Variants in KLHL1 observed in about 807,000 individuals in gnomAD.
The protein encoded by KLHL1 is kelch like family member 1, also known as kelch-like protein 1.
Under a neutral mutation model 77.7 loss-of-function variants are expected in KLHL1, and 47 were observed. The observed-to-expected ratio is 0.60, with a 90% CI of 0.48 to 0.77. The LOEUF is 0.77. Ranked by LOEUF, KLHL1 falls within the 30% of genes least tolerant of loss-of-function variation. The probability of loss-of-function intolerance (pLI) is 0.00; values close to 1 mark genes in which losing one functional copy is unlikely to be tolerated. For missense variants in KLHL1, 925 were observed against 910.8 expected (o/e 1.02, Z -0.20); for synonymous variants, 360 against 325.2 (o/e 1.11, Z -1.15).
At chr13:69,995,188 C>T (rs1220790683) in intron 1 of KLHL1, among the ~76,000 whole-genome samples, 2 of 151,982 alleles carry the variant, frequency 1.3e-5, no homozygotes, top group Non-Finnish European at 2.9e-5. Flanking sequence ...CCATATACCC[C>T]ACACTCCCAA....
chr13:69,701,819 T>C, intron 10 of KLHL1, 58 bp from the exon 11 acceptor site: 1 of 1,239,552 alleles, frequency 8.1e-7, no homozygotes. Flanking sequence ...ATATAAAACT[T>C]ATATTTTAAA....
intron 5 of KLHL1, among the ~76,000 whole-genome samples, chr13:69,870,390 C>T (rs115385278): frequency 5.5e-4 from 84 of 152,266 alleles, no homozygotes; most frequent in African/African-American, 2.0e-3. Context: ...ACGACCCAAA[C>T]ACTTCCCATT....
intron 1 of KLHL1, among the ~76,000 whole-genome samples, chr13:70,062,587 T>A (rs1204161533): frequency 6.6e-6 from 1 of 152,154 alleles, no homozygotes; most frequent in Non-Finnish European, 1.5e-5. Flanking sequence ...GCTTAAAGTA[T>A]AATAAAATTA....
At chr13:69,868,211 T>C (rs1880445402) in intron 5 of KLHL1, among the ~76,000 whole-genome samples, 1 of 152,012 alleles carries the variant, frequency 6.6e-6, no homozygotes, top group Admixed American at 6.6e-5. Context: ...AAATATTTAG[T>C]GAAAAAATAT....
At chr13:69,883,971 CAT>C (rs1881101087) in intron 4 of KLHL1, among the ~76,000 whole-genome samples, 1 of 152,152 alleles carries the variant, frequency 6.6e-6, no homozygotes, top group Non-Finnish European at 1.5e-5. Flanking sequence ...CCACAGGACA[CAT>C]ATTTTAGTAT....
At chr13:69,922,875 G>A (rs1403005906) in intron 4 of KLHL1, among the ~76,000 whole-genome samples, 1 of 152,028 alleles carries the variant, frequency 6.6e-6, no homozygotes, top group African/African-American at 2.4e-5. Context: ...AGTTACTAGA[G>A]TTTTATTCCT....
intron 3 of KLHL1, among the ~76,000 whole-genome samples, chr13:69,959,342 G>A (rs1329506973): frequency 1.3e-5 from 2 of 151,938 alleles, no homozygotes; most frequent in African/African-American, 4.8e-5. Context: ...TTCCTAAAAT[G>A]TTAGCTTCAT....
intron 1 of KLHL1, among the ~76,000 whole-genome samples, chr13:70,091,361 A>C (rs1436842566): frequency 6.6e-6 from 1 of 151,852 alleles, no homozygotes. Context: ...TCTTATGATC[A>C]GTCTTTTCGA....
intron 7 of KLHL1, among the ~76,000 whole-genome samples, chr13:69,783,163 A>C (rs1409170577): frequency 1.3e-5 from 2 of 152,116 alleles, no homozygotes; most frequent in African/African-American, 4.8e-5. Flanking sequence ...ATCCACAACA[A>C]AAACCCTTCT....
chr13:70,003,034 C>T (rs1395330655), intron 1 of KLHL1, among the ~76,000 whole-genome samples: 1 of 151,398 alleles, frequency 6.6e-6, no homozygotes, highest in Non-Finnish European at 1.5e-5. Flanking sequence ...TTACAAAGCA[C>T]TTTTAAAAAT....
At chr13:69,926,178 T>A (rs1034480535) in intron 4 of KLHL1, among the ~76,000 whole-genome samples, 25 of 152,176 alleles carry the variant, frequency 1.6e-4, no homozygotes, top group Non-Finnish European at 3.2e-4. Flanking sequence ...CTCTCAAACA[T>A]CCTGCAACAT....
At chr13:69,728,924 G>A (rs1873420499) in intron 8 of KLHL1, among the ~76,000 whole-genome samples, 1 of 152,056 alleles carries the variant, frequency 6.6e-6, no homozygotes, top group Non-Finnish European at 1.5e-5. Context: ...TAAGGGGGTG[G>A]TACTACATAT....
chr13:69,727,895 T>G (rs1369161045), intron 8 of KLHL1, among the ~76,000 whole-genome samples: 1 of 151,978 alleles, frequency 6.6e-6, no homozygotes, highest in African/African-American at 2.4e-5. Flanking sequence ...CTCAGCCAAG[T>G]TACTATATGA....
chr13:69,894,946 T>C, intron 4 of KLHL1: 2 of 461,994 alleles, frequency 4.3e-6, no homozygotes, highest in Non-Finnish European at 8.5e-6. Flanking sequence ...CAGCAGATCC[T>C]TGTCTACAAA....
chr13:69,906,466 C>A lies in KLHL1; in HGVS notation c.1015-23971G>T, dbSNP rs1182444836. Among the ~76,000 whole-genome samples, 11 of 151,944 alleles carry A rather than the reference C, an allele frequency of 7.2e-5. No individual in the cohort carries two copies. The East Asian group carries it at 2.1e-3, about 29-fold the overall frequency. ...ACCGGGAAAACAGAGCTAGAACATA[C>A]AAATTAATATTAAAATTGTTATTCT... On this transcript the variant is annotated intron_variant, in intron 4 of 10. Coordinates refer to ENST00000377844, the MANE Select transcript of KLHL1 (RefSeq NM_020866.3).
At chr13:69,825,236 G>C (rs1027418107) in intron 6 of KLHL1, among the ~76,000 whole-genome samples, 3 of 152,202 alleles carry the variant, frequency 2.0e-5, no homozygotes, top group African/African-American at 7.2e-5. Context: ...CCAGGGATGG[G>C]AGGATTTTAA....
chr13:69,916,205 A>G (rs1457955686), intron 4 of KLHL1, among the ~76,000 whole-genome samples: 1 of 151,644 alleles, frequency 6.6e-6, no homozygotes, highest in African/African-American at 2.4e-5. Context: ...ATCTAGAACT[A>G]GAAATACCAT....
intron 1 of KLHL1, among the ~76,000 whole-genome samples, chr13:70,053,835 A>G (rs1886683628): frequency 6.6e-6 from 1 of 152,064 alleles, no homozygotes; most frequent in South Asian, 2.1e-4. Context: ...ACTATATTAC[A>G]ATTTCCCCAA....
At chr13:69,876,232 G>A (rs77103392) in intron 5 of KLHL1, among the ~76,000 whole-genome samples, 1 of 151,868 alleles carries the variant, frequency 6.6e-6, no homozygotes, top group Non-Finnish European at 1.5e-5. Flanking sequence ...ATTTCAAAAG[G>A]CTCCTTTTAT....
Sources: allele counts gnomAD v4.1 joint callset (sites outside exome capture counted in the v4.1 genomes callset), GRCh38; gene constraint gnomAD v4.1.1; transcripts MANE v1.5; gene names NCBI Gene and HGNC (gene_info 2026-07-23, HGNC 2026-07-21).